Variants in ZFPM2 observed in about 807,000 individuals in gnomAD.
The protein encoded by ZFPM2 is zinc finger protein ZFPM2.
Under a neutral mutation model 98.6 loss-of-function variants are expected in ZFPM2, and 20 were observed. The ratio of observed to expected loss-of-function variants is 0.20; its 90% CI spans 0.14 to 0.29. The LOEUF is 0.29. Among genes scored for constraint, ZFPM2 ranks in the 10% least tolerant of loss-of-function variants. The pLI, the probability that ZFPM2 is intolerant of heterozygous loss-of-function variation, is 1.00. For synonymous variants in ZFPM2, 518 were observed against 502.7 expected, an observed-to-expected ratio of 1.03 and a Z score of -0.41; for missense variants, 1,310 against 1,388.6, an observed-to-expected ratio of 0.94 and a Z score of 0.90.
At chr8:105,417,317 A>G (rs540324202) in intron 1 of ZFPM2, among the ~76,000 whole-genome samples, 19 of 152,320 alleles carry the variant, frequency 1.2e-4, no homozygotes, top group African/African-American at 4.6e-4. Flanking sequence ...CATGTAAGAA[A>G]GTGCTTTGAA....
At position 105,750,186 on chromosome 8, in the gene ZFPM2, C is replaced by T. The variant is rs187299259; in HGVS notation, c.533-38532C>T. ...ACCTACATTTTACAGATTCAGAAAC[C>T]AAATCTCAGGGAGTTTAAGTAACTT... On this transcript the variant is annotated intron_variant, in intron 5 of 7. Transcript: ENST00000407775. Among the ~76,000 whole-genome samples the T allele has an allele frequency of 3.8e-4, 58 of 152,044 alleles. 1 individual carries two copies. Among genetic ancestry groups the T allele is most frequent in the Admixed American group, 3.5e-3 (54 of 15,234 alleles).
chr8:105,489,683 C>T (rs577847702), intron 3 of ZFPM2, among the ~76,000 whole-genome samples: 3 of 151,222 alleles, frequency 2.0e-5, no homozygotes, highest in South Asian at 4.2e-4. Context: ...AGGCTGGTCT[C>T]GAACTCCTGA....
Position 105,788,838 on chromosome 8 carries a change from T to C in ZFPM2, c.653T>C (p.Met218Thr). The change falls in exon 6 of 8, where the codon ATG becomes ACG. Residue 218 changes from methionine (M) to threonine (T), a missense_variant. Physicochemically the swap from Met to Thr is moderately conservative, Grantham distance 81. Coordinates refer to ENST00000407775, the MANE Select transcript of ZFPM2 (RefSeq NM_012082.4). The part of the protein sequence containing the change: ...AASQMTLTEG[M>T]YPARLLDSIQ... The stretch of plus-strand genomic sequence containing the variant: ...AGTCAGATGACTCTCACAGAAGGGA[T>C]GTACCCTGCACGCCTGCTGGACTCA... 1 of 1,613,952 alleles carries C rather than the reference T, an allele frequency of 6.2e-7. No homozygotes were observed. The highest frequency in any genetic ancestry group is 8.5e-7 in the Non-Finnish European group (1 of 1,179,858).
chr8:105,720,276 G>T (rs1307248459), intron 5 of ZFPM2, among the ~76,000 whole-genome samples: 1 of 151,848 alleles, frequency 6.6e-6, no homozygotes, highest in Non-Finnish European at 1.5e-5. Flanking sequence ...TGATCCTGCT[G>T]TATCAATGTC....
At position 105,419,084 on chromosome 8, in the gene ZFPM2, A is replaced by T. The variant is rs1327268638; in HGVS notation, c.41-60A>T. 3.2e-6 allele frequency: 5 copies of T among 1,550,260 alleles called. No homozygotes were observed. In the Admixed American group the frequency reaches 8.0e-5, roughly 25 times the overall value. ...TAACAAAAAAAGGCTCTATTTAAGG[A>T]TTTTATTTCACTGTCTTCCTTGCAT... On this transcript the variant is annotated intron_variant, in intron 1 of 7. Transcript: ENST00000407775.
At chr8:105,673,848 A>G (rs186395288) in intron 5 of ZFPM2, among the ~76,000 whole-genome samples, 1 of 152,356 alleles carries the variant, frequency 6.6e-6, no homozygotes, top group African/African-American at 2.4e-5. Context: ...TTGAATGAGT[A>G]AAGAATGGGA....
chr8:105,621,464 A>T (rs1816544476), intron 4 of ZFPM2, among the ~76,000 whole-genome samples: 1 of 152,154 alleles, frequency 6.6e-6, no homozygotes, highest in Admixed American at 6.5e-5. Context: ...CAATCATGTC[A>T]TCTGCAAACA....
intron 6 of ZFPM2, chr8:105,797,311 G>GATAA (rs1005097473): frequency 5.9e-5 from 9 of 152,176 alleles, no homozygotes; most frequent in Non-Finnish European, 1.0e-4. Flanking sequence ...AGCATGACCT[G>GATAA]ATAAATATGG....
intron 5 of ZFPM2, among the ~76,000 whole-genome samples, chr8:105,761,862 A>G (rs1812740365): frequency 6.6e-6 from 1 of 152,006 alleles, no homozygotes. Context: ...TTCCCCAGCA[A>G]TAGAGTAGAA....
chr8:105,492,629 A>G (rs780123347), intron 3 of ZFPM2, among the ~76,000 whole-genome samples: 44 of 152,238 alleles, frequency 2.9e-4, no homozygotes, highest in Non-Finnish European at 5.9e-4. Flanking sequence ...AGATTTTACT[A>G]TTTGCTTACA....
intron 5 of ZFPM2, among the ~76,000 whole-genome samples, chr8:105,741,393 T>G (rs1812212263): frequency 1.3e-5 from 2 of 151,768 alleles, no homozygotes; most frequent in Admixed American, 6.6e-5. Context: ...AGCTGGGAGG[T>G]TTTTACTTTG....
At chr8:105,435,785 C>G (rs1586370059) in intron 2 of ZFPM2, among the ~76,000 whole-genome samples, 1 of 149,328 alleles carries the variant, frequency 6.7e-6, no homozygotes, top group Non-Finnish European at 1.5e-5. Context: ...AGTAAAGAAG[C>G]AAGTCTCTAT....
intron 3 of ZFPM2, among the ~76,000 whole-genome samples, chr8:105,504,791 G>T (rs1005484285): frequency 6.6e-6 from 1 of 152,054 alleles, no homozygotes; most frequent in African/African-American, 2.4e-5. Flanking sequence ...GAGTCCTGAG[G>T]CTTATTAAGT....
intron 3 of ZFPM2, among the ~76,000 whole-genome samples, chr8:105,460,177 A>AGG (rs1812677538): frequency 6.6e-6 from 1 of 152,116 alleles, no homozygotes; most frequent in Non-Finnish European, 1.5e-5. Context: ...AGGCAAATCA[A>AGG]TTTTCTTGTG....
chr8:105,796,140 C>G (rs1005432590), intron 6 of ZFPM2, among the ~76,000 whole-genome samples: 8 of 152,074 alleles, frequency 5.3e-5, no homozygotes, highest in Non-Finnish European at 1.2e-4. Context: ...ATTGGATTTC[C>G]TTATGGTAAA....
chr8:105,454,372 C>T (rs1194107900), intron 3 of ZFPM2, among the ~76,000 whole-genome samples: 1 of 152,188 alleles, frequency 6.6e-6, no homozygotes, highest in African/African-American at 2.4e-5. Flanking sequence ...GGCATCAGTA[C>T]TGCCTACACA....
chr8:105,696,705 A>G (rs1348165808), intron 5 of ZFPM2, among the ~76,000 whole-genome samples: 4 of 152,232 alleles, frequency 2.6e-5, no homozygotes, highest in African/African-American at 4.8e-5. Context: ...GAAAACTTGG[A>G]AAGACAACTT....
In ZFPM2 at chr8:105,801,583, T is replaced by C; in HGVS notation, c.1501T>C (p.Phe501Leu). 6.2e-7 allele frequency: 1 copy of C among 1,613,828 alleles called. No homozygotes were observed. Among genetic ancestry groups the C allele is most frequent in the Non-Finnish European group, 8.5e-7 (1 of 1,179,866 alleles). ...SFPVGPFLSQ[F>L]SFPQDITMVP... ...CCCTGTGGGCCCTTTCCTATCTCAG[T>C]TTTCTTTCCCCCAAGATATCACCAT... The change falls in exon 8 of 8, where the codon TTT becomes CTT. Residue 501 changes from phenylalanine (F) to leucine (L), a missense_variant. Phe to Leu is a conservative substitution (Grantham distance 22). Coordinates refer to ENST00000407775, the MANE Select transcript of ZFPM2 (RefSeq NM_012082.4).
At chr8:105,744,809 G>T (rs1472370309) in intron 5 of ZFPM2, among the ~76,000 whole-genome samples, 1 of 152,202 alleles carries the variant, frequency 6.6e-6, no homozygotes, top group East Asian at 1.9e-4. Context: ...AGGCCAGTTT[G>T]GCTAGAATAA....
Sources: gnomAD v4.1 joint callset for allele counts (sites outside exome capture counted in the v4.1 genomes callset) on GRCh38, gnomAD v4.1.1 for gene constraint, MANE v1.5 for transcripts, NCBI Gene and HGNC (gene_info 2026-07-23, HGNC 2026-07-21) for gene names.